OSCP1: variants seen among roughly 807,000 people sequenced by gnomAD.
The protein encoded by OSCP1 is protein OSCP1.
Under a neutral mutation model 45.1 loss-of-function variants are expected in OSCP1, and 35 were observed. The observed-to-expected ratio is 0.78, with a 90% confidence interval of 0.59 to 1.03. OSCP1 has a LOEUF of 1.03. Among genes scored for constraint, OSCP1 ranks in the 50% least tolerant of loss-of-function variants. The pLI is 0.00. For synonymous variants in OSCP1, 179 were observed against 180.1 expected, an observed-to-expected ratio of 0.99 and a Z score of 0.05; for missense variants, 400 against 470.7, an observed-to-expected ratio of 0.85 and a Z score of 1.39.
In OSCP1 at chr1:36,438,901, T is replaced by C. The variant is rs1166896118; in HGVS notation, c.122A>G (p.Asp41Gly). ...TCTATTGAACATGGTGGAGATGATG[T>C]CATTCAGAACTGCAGAGACAAGAGA... is the stretch of plus-strand genomic sequence containing the variant. The part of the protein sequence containing the change: ...PGDKARKVLN[D>G]IISTMFNRKF... Residue 41 changes from aspartate (D) to glycine (G), a missense_variant, in exon 2 of 10, where the codon GAC becomes GGC. By Grantham distance (94) the Asp-to-Gly change is moderately conservative (BLOSUM62 -1). Coordinates refer to ENST00000235532, the MANE Select transcript of OSCP1 (RefSeq NM_145047.5). The C allele has an allele frequency of 6.2e-7, 1 of 1,613,934 alleles. No individual in the cohort carries two copies. The highest frequency in any genetic ancestry group is 1.1e-5 in the South Asian group (1 of 91,016).
chr1:36,423,591 G>A, intron 4 of OSCP1, 125 bp from the exon 5 acceptor site: 1 of 722,256 alleles, frequency 1.4e-6, no homozygotes, highest in South Asian at 1.8e-5. Context: ...TAAGAAGGGA[G>A]AGGCTGGGCG....
At chr1:36,446,195 G>C (rs1281195344) in intron 1 of OSCP1, among the ~76,000 whole-genome samples, 1 of 144,470 alleles carries the variant, frequency 6.9e-6, no homozygotes, top group Non-Finnish European at 1.5e-5. Context: ...GGTAATTTTT[G>C]TATTTTTTGT....
In OSCP1 at chr1:36,427,299, C is replaced by CTTTTT. The variant is rs71053929; in HGVS notation, c.517-3838_517-3834dup. On this transcript the variant is annotated intron_variant, in intron 4 of 9. Coordinates refer to ENST00000235532, the MANE Select transcript of OSCP1 (RefSeq NM_145047.5). Reference sequence around the variant, plus strand: ...ACAGGCGTGAGCCATGGCGCCTGGCCTTTTTTTTTTTTTTTGACACAGAGT... The same window carrying CTTTTT: ...ACAGGCGTGAGCCATGGCGCCTGGCCTTTTTTTTTTTTTTTTTTTTGACACAGAGT... Among the ~76,000 whole-genome samples, 76 of 96,306 alleles carry CTTTTT rather than the reference C, an allele frequency of 7.9e-4. 5 individuals are homozygous for CTTTTT. The highest frequency in any genetic ancestry group is 2.8e-3 in the African/African-American group (59 of 20,824). The allele number at this position is 96,306 out of a possible 152,430, so 63.2% of individuals were successfully genotyped here. A position where few individuals can be genotyped will look rare whatever the true frequency, so the allele number is the denominator to read the frequency against.
intron 3 of OSCP1, 70 bp from the exon 4 acceptor site, chr1:36,431,952 G>T (rs928057010): frequency 1.4e-6 from 2 of 1,425,284 alleles, no homozygotes; most frequent in African/African-American, 1.4e-5. Flanking sequence ...CGGCAGGGCA[G>T]ATGGGTACTC....
intron 7 of OSCP1, among the ~76,000 whole-genome samples, chr1:36,421,472 C>T (rs1008901279): frequency 1.3e-5 from 2 of 152,186 alleles, no homozygotes; most frequent in African/African-American, 2.4e-5. Context: ...TGATCCCTGT[C>T]CACTGGACAG....
rs1288340304 is a variant in OSCP1, at chr1:36,418,250, C to T, written c.1029G>A (p.Gln343=). The T allele has an allele frequency of 6.2e-7, 1 of 1,614,058 alleles. No individual in the cohort carries two copies. The highest frequency in any genetic ancestry group is 8.5e-7 in the Non-Finnish European group (1 of 1,180,026). The stretch of plus-strand genomic sequence containing the variant: ...TTCGAGCCAGCTCCTCGCTCCGTTG[C>T]TGGTCCTATGAGGGAAATGAGAGGT... ...EVINIQATQD[Q]QRSEELARIM... The change falls in exon 10 of 10, where the codon CAG becomes CAA. Residue 343 remains glutamine (Q), a synonymous_variant. Coordinates refer to ENST00000235532, the MANE Select transcript of OSCP1 (RefSeq NM_145047.5).
intron 2 of OSCP1, among the ~76,000 whole-genome samples, chr1:36,433,146 A>T (rs939366458): frequency 6.6e-6 from 1 of 152,242 alleles, no homozygotes; most frequent in Admixed American, 6.5e-5. Context: ...CTATGTGGAT[A>T]TCAACAAGCC....
At chr1:36,446,940 T>G (rs939533902) in intron 1 of OSCP1, among the ~76,000 whole-genome samples, 3 of 152,224 alleles carry the variant, frequency 2.0e-5, no homozygotes, top group African/African-American at 7.2e-5. Context: ...GATAGTTGCC[T>G]CATAGAGAGA....
intron 4 of OSCP1, chr1:36,428,354 A>G (rs2124783809): frequency 1.9e-6 from 3 of 1,613,320 alleles, no homozygotes; most frequent in Non-Finnish European, 1.7e-6. Flanking sequence ...AAAGTTCTCA[A>G]AAGGGTATAC....
chr1:36,431,705 G>T, intron 4 of OSCP1, 97 bp downstream of exon 4: 2 of 1,184,626 alleles, frequency 1.7e-6, no homozygotes, highest in Non-Finnish European at 2.4e-6. Context: ...ATCACTAACT[G>T]GGCAAAATCT....
intron 1 of OSCP1, among the ~76,000 whole-genome samples, chr1:36,445,683 C>T (rs1649477410): frequency 6.6e-6 from 1 of 152,132 alleles, no homozygotes; most frequent in African/African-American, 2.4e-5. Flanking sequence ...GCACAATGTC[C>T]ACATCTATCT....
chr1:36,421,299 G>T (rs377358590), intron 7 of OSCP1, among the ~76,000 whole-genome samples: 7 of 152,062 alleles, frequency 4.6e-5, no homozygotes, highest in African/African-American at 1.7e-4. Flanking sequence ...GATCCGTTAC[G>T]TAAGCCTCGT....
Position 36,422,802 on chromosome 1 carries a change from A to G in OSCP1, c.715T>C (p.Tyr239His), listed in dbSNP as rs754226924. 1 of 1,604,976 alleles carries G rather than the reference A, an allele frequency of 6.2e-7. No homozygotes were observed. The highest frequency in any genetic ancestry group is 2.2e-5 in the East Asian group (1 of 44,576). The change falls in exon 6 of 10, where the codon TAT (tyrosine) becomes CAT (histidine). Residue 239 changes from tyrosine (Y) to histidine (H), a missense_variant. Tyr to His is a moderately conservative substitution (Grantham distance 83). Coordinates refer to ENST00000235532, the MANE Select transcript of OSCP1 (RefSeq NM_145047.5). ...PAPKEGSFEL[Y>H]GDRVLKLGTN... ...CCCAGTTTCAGGACTCGGTCTCCATAAAGTTCAAAAGAACCTTCTTTGGGT... is the reference window on the plus strand; with the variant it reads ...CCCAGTTTCAGGACTCGGTCTCCATGAAGTTCAAAAGAACCTTCTTTGGGT...
At chr1:36,437,040 T>C (rs189356932) in intron 2 of OSCP1, among the ~76,000 whole-genome samples, 1 of 152,330 alleles carries the variant, frequency 6.6e-6, no homozygotes, top group East Asian at 1.9e-4. Flanking sequence ...GCAACCTGAC[T>C]CATCACTGTT....
intron 7 of OSCP1, among the ~76,000 whole-genome samples, chr1:36,421,398 T>C (rs143581830): frequency 1.3e-5 from 2 of 152,252 alleles, no homozygotes; most frequent in East Asian, 1.9e-4. Flanking sequence ...TGCTGTTTCA[T>C]AGTTTACCTA....
intron 2 of OSCP1, among the ~76,000 whole-genome samples, chr1:36,433,294 C>T (rs1341135258): frequency 6.6e-6 from 1 of 152,104 alleles, no homozygotes; most frequent in East Asian, 1.9e-4. Flanking sequence ...TTTAAATTGG[C>T]TGAGGGCAGA....
intron 4 of OSCP1, among the ~76,000 whole-genome samples, chr1:36,429,527 A>G (rs941190690): frequency 2.3e-5 from 3 of 129,288 alleles, no homozygotes; most frequent in Admixed American, 8.4e-5. Context: ...AAAATTCAGA[A>G]GCTTAGAATT....
chr1:36,435,632 CTT>C (rs944833294), intron 2 of OSCP1, among the ~76,000 whole-genome samples: 1 of 145,878 alleles, frequency 6.9e-6, no homozygotes, highest in Admixed American at 6.9e-5. Flanking sequence ...GTTAAAGTAA[CTT>C]TTTTTTTTTT....
At chr1:36,424,877 G>T (rs928068877) in intron 4 of OSCP1, among the ~76,000 whole-genome samples, 8 of 152,158 alleles carry the variant, frequency 5.3e-5, no homozygotes, top group African/African-American at 1.7e-4. Context: ...ATATAATCAA[G>T]AATAAGTATC....
Sources: gnomAD v4.1 joint callset for allele counts (sites outside exome capture counted in the v4.1 genomes callset) on GRCh38, gnomAD v4.1.1 for gene constraint, MANE v1.5 for transcripts, NCBI Gene and HGNC (gene_info 2026-07-23, HGNC 2026-07-21) for gene names.